The following PRKAR2B variants were observed in gnomAD, a reference collection of about 807,000 sequenced individuals.
The protein encoded by PRKAR2B is cAMP-dependent protein kinase type II-beta regulatory subunit.
PRKAR2B carries 14 observed loss-of-function variants against 49.9 expected under a neutral mutation model. The observed-to-expected ratio is 0.28, with a 90% CI of 0.19 to 0.44. PRKAR2B has a LOEUF of 0.44. Among genes scored for constraint, PRKAR2B ranks in the 20% least tolerant of loss-of-function variants. PRKAR2B has a pLI of 1.00. For synonymous variants in PRKAR2B, 196 were observed against 197.7 expected, an observed-to-expected ratio of 0.99 and a Z score of 0.07; for missense variants, 393 against 537.9, an observed-to-expected ratio of 0.73 and a Z score of 2.67.
chr7:107,063,942 C>T (rs951730468), intron 1 of PRKAR2B, among the ~76,000 whole-genome samples: 10 of 152,168 alleles, frequency 6.6e-5, no homozygotes, highest in Non-Finnish European at 1.2e-4. Flanking sequence ...CATAAATCTG[C>T]TCTTTGCATG....
At chr7:107,080,873 T>TA (rs1481450915) in intron 2 of PRKAR2B, among the ~76,000 whole-genome samples, 1 of 152,168 alleles carries the variant, frequency 6.6e-6, no homozygotes, top group Non-Finnish European at 1.5e-5. Flanking sequence ...GGCAGGCAGA[T>TA]ACAGTTTAGG....
chr7:107,125,663 C>A (rs2115595746), intron 3 of PRKAR2B, among the ~76,000 whole-genome samples: 1 of 152,188 alleles, frequency 6.6e-6, no homozygotes, highest in South Asian at 2.1e-4. Context: ...AGGGATTTTA[C>A]CGACGAGGTT....
intron 5 of PRKAR2B, among the ~76,000 whole-genome samples, chr7:107,144,703 C>T (rs1344147587): frequency 3.3e-5 from 5 of 152,042 alleles, no homozygotes; most frequent in Non-Finnish European, 1.5e-5. Context: ...TCAAATCCTC[C>T]CACCTTGGCC....
intron 2 of PRKAR2B, among the ~76,000 whole-genome samples, chr7:107,097,913 C>G (rs1328613475): frequency 6.6e-6 from 1 of 152,170 alleles, no homozygotes; most frequent in Admixed American, 6.5e-5. Context: ...TTGTGGGTAA[C>G]CCGACCTTTC....
At chr7:107,071,839 G>A (rs998945548) in intron 2 of PRKAR2B, among the ~76,000 whole-genome samples, 4 of 152,282 alleles carry the variant, frequency 2.6e-5, no homozygotes, top group East Asian at 1.9e-4. Flanking sequence ...GCTGAGGCGG[G>A]CAGATCACGA....
chr7:107,099,291 T>A (rs938533330), intron 2 of PRKAR2B, among the ~76,000 whole-genome samples: 1 of 152,172 alleles, frequency 6.6e-6, no homozygotes. Flanking sequence ...TGATTGAGGC[T>A]GTGTGGGTGT....
At chr7:107,084,892 T>TG in intron 2 of PRKAR2B, among the ~76,000 whole-genome samples, 1 of 152,034 alleles carries the variant, frequency 6.6e-6, no homozygotes, top group Non-Finnish European at 1.5e-5. Context: ...CCCAAAGTGC[T>TG]GGGATTACAG....
At chr7:107,108,707 A>G (rs557605575) in intron 2 of PRKAR2B, among the ~76,000 whole-genome samples, 2 of 152,360 alleles carry the variant, frequency 1.3e-5, no homozygotes, top group South Asian at 4.1e-4. Context: ...GCTCCTGTAC[A>G]GCTCTACAGC....
At chr7:107,090,287 A>G (rs1188024240) in intron 2 of PRKAR2B, among the ~76,000 whole-genome samples, 1 of 152,120 alleles carries the variant, frequency 6.6e-6, no homozygotes, top group Non-Finnish European at 1.5e-5. Context: ...CTTGCTCCAT[A>G]TGGTGAGGAG....
intron 1 of PRKAR2B, among the ~76,000 whole-genome samples, chr7:107,062,140 C>T (rs1794038388): frequency 6.6e-6 from 1 of 152,076 alleles, no homozygotes; most frequent in South Asian, 2.1e-4. Context: ...GTTAAGCATT[C>T]ACCCACCTAT....
In PRKAR2B at chr7:107,146,447, G is replaced by T. The variant is rs530887023; in HGVS notation, c.727G>T (p.Ala243Ser). Residue 243 changes from alanine to serine, a missense_variant, in exon 6 of 11, where the codon GCT (alanine) becomes TCT (serine). By Grantham distance (99) the Ala-to-Ser change is moderately conservative (BLOSUM62 1). This residue lies in a region of PRKAR2B where 233 missense variants were observed against 390.4 expected (regional missense o/e 0.60). Transcript: ENST00000265717. ...AATITATSPG[A>S]LWGLDRVTFR... ...TACAATCACTGCTACCTCTCCTGGT[G>T]CTCTGTGGGGTTTGGTGAGTAAAAT... 6.8e-6 allele frequency: 11 copies of T among 1,613,592 alleles called. No homozygotes were observed. The South Asian group carries it at 1.2e-4, about 18-fold the overall frequency.
Position 107,130,607 on chromosome 7 carries a change from A to G in PRKAR2B, c.480+2312A>G, listed in dbSNP as rs965086968. ...AATTCAGTAGTTCAGAGTGGCCCTG[A>G]TAGATCCTTGTCCATTCAAGTTTGT... On this transcript the variant is annotated intron_variant, in intron 4 of 10. Transcript: ENST00000265717. 4.6e-5 allele frequency among the ~76,000 whole-genome samples: 7 copies of G among 152,228 alleles called. No homozygotes were observed. The South Asian group carries it at 6.2e-4, about 13-fold the overall frequency.
intron 1 of PRKAR2B, chr7:107,066,722 C>T (rs532506446): frequency 8.4e-4 from 128 of 152,206 alleles, no homozygotes; most frequent in African/African-American, 3.0e-3. Flanking sequence ...GTGCTCACCA[C>T]CACGCCCGGC....
intron 1 of PRKAR2B, among the ~76,000 whole-genome samples, chr7:107,049,301 G>C (rs80153971): frequency 6.6e-6 from 1 of 152,228 alleles, no homozygotes; most frequent in Admixed American, 6.5e-5. Flanking sequence ...AATAACTACC[G>C]TGATAGAAAA....
intron 2 of PRKAR2B, among the ~76,000 whole-genome samples, chr7:107,116,879 A>G (rs911493998): frequency 6.8e-6 from 1 of 147,912 alleles, no homozygotes; most frequent in African/African-American, 2.5e-5. Context: ...ATATATATAT[A>G]CACACATATA....
intron 1 of PRKAR2B, among the ~76,000 whole-genome samples, chr7:107,054,518 A>C (rs1793873386): frequency 6.6e-6 from 1 of 152,168 alleles, no homozygotes; most frequent in East Asian, 1.9e-4. Flanking sequence ...GGTTTAGTTT[A>C]TATTTTACCC....
chr7:107,143,626 G>GGTT (rs1462244066), intron 5 of PRKAR2B, among the ~76,000 whole-genome samples: 4 of 152,102 alleles, frequency 2.6e-5, no homozygotes, highest in Non-Finnish European at 5.9e-5. Flanking sequence ...ATGGCTTATT[G>GGTT]GTAGCATATA....
intron 2 of PRKAR2B, among the ~76,000 whole-genome samples, chr7:107,084,712 C>G (rs1794582646): frequency 6.6e-6 from 1 of 151,722 alleles, no homozygotes; most frequent in Non-Finnish European, 1.5e-5. Flanking sequence ...GCTCCGCCTC[C>G]CGGGTTCACG....
At chr7:107,109,777 A>T (rs1240562974) in intron 2 of PRKAR2B, among the ~76,000 whole-genome samples, 5 of 152,234 alleles carry the variant, frequency 3.3e-5, no homozygotes, top group African/African-American at 9.7e-5. Context: ...CTTAAAAAAA[A>T]TAGTAAAAGT....
Sources: gnomAD v4.1 joint callset for allele counts (sites outside exome capture counted in the v4.1 genomes callset) on GRCh38, gnomAD v4.1.1 for gene constraint, gnomAD v4.1.1 regional missense constraint, MANE v1.5 for transcripts, NCBI Gene and HGNC (gene_info 2026-07-23, HGNC 2026-07-21) for gene names.